Variants in FHIP1A observed in about 807,000 individuals in gnomAD.
FHIP1A encodes FHF complex subunit HOOK interacting protein 1A, also known as FHF complex subunit HOOK-interacting protein 1A.
In FHIP1A, 61 loss-of-function variants were observed where a neutral mutation model predicts 88.6. The ratio of observed to expected loss-of-function variants is 0.69; its 90% CI spans 0.56 to 0.85. The LOEUF is 0.85. FHIP1A is among the 40% of genes least tolerant of loss of function. The probability of loss-of-function intolerance (pLI) is 0.00; values close to 1 mark genes in which losing one functional copy is unlikely to be tolerated. For missense variants in FHIP1A, 1,154 were observed against 1,273.5 expected, an observed-to-expected ratio of 0.91 and a Z score of 1.43; for synonymous variants, 478 against 496.0, an observed-to-expected ratio of 0.96 and a Z score of 0.48.
At chr4:151,636,722 A>G (rs1241803620) in intron 8 of FHIP1A, among the ~76,000 whole-genome samples, 3 of 152,104 alleles carry the variant, frequency 2.0e-5, no homozygotes, top group Non-Finnish European at 1.5e-5. Flanking sequence ...CATAGACCAG[A>G]AGACTTAATA....
At chr4:151,550,801 T>C (rs1280911230) in intron 3 of FHIP1A, among the ~76,000 whole-genome samples, 1 of 152,174 alleles carries the variant, frequency 6.6e-6, no homozygotes, top group Non-Finnish European at 1.5e-5. Context: ...AGGAGTTTGT[T>C]AGGGTATGTT....
intron 5 of FHIP1A, among the ~76,000 whole-genome samples, chr4:151,583,297 G>T (rs527293931): frequency 1.5e-4 from 23 of 152,322 alleles, no homozygotes; most frequent in African/African-American, 5.3e-4. Context: ...GAAGGAGATA[G>T]CAGAGGCACT....
At chr4:151,425,672 G>A (rs1188769540) in intron 1 of FHIP1A, among the ~76,000 whole-genome samples, 1 of 152,016 alleles carries the variant, frequency 6.6e-6, no homozygotes, top group Non-Finnish European at 1.5e-5. Flanking sequence ...TCATAGTTTT[G>A]GAGGCCGGAA....
chr4:151,469,794 C>T (rs554708302), intron 2 of FHIP1A, among the ~76,000 whole-genome samples: 100 of 152,272 alleles, frequency 6.6e-4, no homozygotes, highest in Non-Finnish European at 1.2e-3. Flanking sequence ...CTTTTGCCTT[C>T]CACAGATACC....
chr4:151,490,325 A>G (rs1730237479), intron 3 of FHIP1A, among the ~76,000 whole-genome samples: 1 of 152,228 alleles, frequency 6.6e-6, no homozygotes, highest in Admixed American at 6.5e-5. Context: ...GATGGATCAC[A>G]TCACGGGACT....
intron 3 of FHIP1A, among the ~76,000 whole-genome samples, chr4:151,513,193 A>G (rs1731101922): frequency 6.6e-6 from 1 of 152,228 alleles, no homozygotes; most frequent in Non-Finnish European, 1.5e-5. Context: ...TTTCATATCC[A>G]GCCAAACTAA....
chr4:151,451,806 C>CTTTTT (rs112946935), intron 1 of FHIP1A, among the ~76,000 whole-genome samples: 4 of 147,752 alleles, frequency 2.7e-5, no homozygotes, highest in Non-Finnish European at 4.5e-5. Flanking sequence ...CTTTTTCTTT[C>CTTTTT]TTTTTTTTCT....
At chr4:151,623,093 C>T (rs1489237486) in intron 7 of FHIP1A, among the ~76,000 whole-genome samples, 5 of 152,198 alleles carry the variant, frequency 3.3e-5, no homozygotes, top group African/African-American at 9.6e-5. Flanking sequence ...AACCCTTCAA[C>T]TTGGCCAACG....
intron 3 of FHIP1A, among the ~76,000 whole-genome samples, chr4:151,521,869 C>T (rs1217162788): frequency 1.3e-5 from 2 of 152,090 alleles, no homozygotes; most frequent in Middle Eastern, 3.2e-3. Context: ...GGACCACACA[C>T]ATGTGCCACC....
At position 151,539,524 on chromosome 4, in the gene FHIP1A, A is replaced by G. The variant is rs534374894; in HGVS notation, c.-122-26614A>G. Among the ~76,000 whole-genome samples the G allele has an allele frequency of 2.9e-4, 43 of 146,346 alleles. No individual in the cohort carries two copies. The South Asian group carries it at 9.1e-3, about 31-fold the overall frequency. The stretch of plus-strand genomic sequence containing the variant: ...GGTTGCAGTGAGCTGAGATCTCACC[A>G]TTGCACTCCAGCCTGGGTGGCAGAG... On this transcript the variant is annotated intron_variant, in intron 3 of 13. Transcript: ENST00000435205.
intron 2 of FHIP1A, among the ~76,000 whole-genome samples, chr4:151,476,200 G>T (rs540489316): frequency 6.9e-6 from 1 of 145,594 alleles, no homozygotes. Flanking sequence ...GGAGCGCAGT[G>T]GCAAGATCAT....
rs531208679 is a variant in FHIP1A, at chr4:151,585,038, T to C, written c.733-1603T>C. On this transcript the variant is annotated intron_variant, in intron 5 of 13. Transcript: ENST00000435205. ...TAACACTGTTTTAATTGCCCGTTAA[T>C]CTCTCATTAGACAGTGAGATCAATG... is the stretch of plus-strand genomic sequence containing the variant. Among the ~76,000 whole-genome samples the C allele has an allele frequency of 1.5e-4, 23 of 152,324 alleles. No homozygotes were observed. In the East Asian group the frequency reaches 4.4e-3, roughly 29 times the overall value.
chr4:151,446,005 C>G (rs868471124), intron 1 of FHIP1A, among the ~76,000 whole-genome samples: 12 of 151,808 alleles, frequency 7.9e-5, no homozygotes, highest in Middle Eastern at 3.4e-3. Context: ...AAGAGTTTCT[C>G]TAGGATATAA....
intron 3 of FHIP1A, among the ~76,000 whole-genome samples, chr4:151,523,866 A>G (rs1469780450): frequency 5.3e-5 from 8 of 152,318 alleles, no homozygotes; most frequent in African/African-American, 1.9e-4. Flanking sequence ...TAATTGACAT[A>G]AGTGCAGCCC....
intron 5 of FHIP1A, 146 bp from the exon 6 acceptor site, chr4:151,586,495 C>T (rs1038426058): frequency 1.6e-5 from 9 of 567,198 alleles, no homozygotes; most frequent in Non-Finnish European, 2.7e-5. Context: ...TCGTTTTTAG[C>T]TGGCTGACGG....
intron 1 of FHIP1A, among the ~76,000 whole-genome samples, chr4:151,437,470 C>T (rs928921696): frequency 6.6e-6 from 1 of 152,056 alleles, no homozygotes; most frequent in Non-Finnish European, 1.5e-5. Flanking sequence ...GAAGAAAAAT[C>T]ACCTCTCTTC....
In FHIP1A at chr4:151,664,658, G is replaced by A. The variant is rs979559411; in HGVS notation, c.*1904G>A. 7.9e-5 allele frequency among the ~76,000 whole-genome samples: 12 copies of A among 152,222 alleles called. No individual in the cohort carries two copies. The highest frequency in any genetic ancestry group is 1.3e-4 in the Non-Finnish European group (9 of 68,046). On this transcript the variant is annotated 3_prime_UTR_variant, in exon 14 of 14. Coordinates refer to ENST00000435205, the MANE Select transcript of FHIP1A (RefSeq NM_001109977.3). ...TCCATTAGAAAAGAAGGTAGCTTAA[G>A]ATAGAGAAAGAGGAACAGTTGAAGA...
At chr4:151,447,151 A>G (rs765787270) in intron 1 of FHIP1A, among the ~76,000 whole-genome samples, 1 of 152,196 alleles carries the variant, frequency 6.6e-6, no homozygotes, top group Non-Finnish European at 1.5e-5. Context: ...ATTTCACCAC[A>G]TTAGTAATTT....
intron 9 of FHIP1A, among the ~76,000 whole-genome samples, chr4:151,640,550 A>C (rs566338743): frequency 1.3e-5 from 2 of 152,352 alleles, no homozygotes; most frequent in South Asian, 2.1e-4. Context: ...ATCCAGAACA[A>C]CTTGGCAAAG....
Sources: allele counts gnomAD v4.1 joint callset (sites outside exome capture counted in the v4.1 genomes callset), GRCh38; gene constraint gnomAD v4.1.1; transcripts MANE v1.5; gene names NCBI Gene and HGNC (gene_info 2026-07-23, HGNC 2026-07-21).